Variants in WWOX observed in about 807,000 individuals in gnomAD.
The protein encoded by WWOX is WW domain containing oxidoreductase.
Under a neutral mutation model 46.2 loss-of-function variants are expected in WWOX, and 69 were observed. The ratio of observed to expected loss-of-function variants is 1.49; its 90% CI spans 1.23 to 1.82. The LOEUF (loss-of-function observed/expected upper bound fraction) is 1.82, where lower values mean the gene tolerates loss of function less well. WWOX is among the 40% of genes most tolerant of loss of function. The pLI, the probability that WWOX is intolerant of heterozygous loss-of-function variation, is 0.00. For synonymous variants in WWOX, 359 were observed against 202.6 expected, an observed-to-expected ratio of 1.77 and a Z score of -6.56; for missense variants, 919 against 542.6, an observed-to-expected ratio of 1.69 and a Z score of -6.89.
chr16:78,214,196 C>G (rs549776059), intron 5 of WWOX, among the ~76,000 whole-genome samples: 82 of 152,166 alleles, frequency 5.4e-4, no homozygotes, highest in Non-Finnish European at 8.8e-4. Flanking sequence ...CCTGTCAGTG[C>G]TTTGTCACCC....
At chr16:79,068,642 A>G (rs916943054) in intron 8 of WWOX, among the ~76,000 whole-genome samples, 37 of 151,480 alleles carry the variant, frequency 2.4e-4, no homozygotes, top group Non-Finnish European at 4.3e-4. Flanking sequence ...CTCTACAAAC[A>G]ACAACAACAA....
At chr16:78,844,492 A>G (rs2052245223) in intron 8 of WWOX, among the ~76,000 whole-genome samples, 1 of 152,142 alleles carries the variant, frequency 6.6e-6, no homozygotes, top group Non-Finnish European at 1.5e-5. Flanking sequence ...TATGAATCTC[A>G]TAATGGAAAA....
chr16:78,583,241 G>A (rs2045108395), intron 8 of WWOX, among the ~76,000 whole-genome samples: 1 of 152,274 alleles, frequency 6.6e-6, no homozygotes, highest in South Asian at 2.1e-4. Context: ...AAGAACCAGG[G>A]CCAAAGCAGT....
chr16:79,139,418 G>T (rs1179824998), intron 8 of WWOX, among the ~76,000 whole-genome samples: 1 of 152,288 alleles, frequency 6.6e-6, no homozygotes, highest in South Asian at 2.1e-4. Context: ...CACTTTGCCT[G>T]CAGTTAATTT....
intron 1 of WWOX, among the ~76,000 whole-genome samples, chr16:78,102,700 G>A (rs767624046): frequency 1.5e-4 from 23 of 152,264 alleles, no homozygotes; most frequent in Middle Eastern, 6.8e-3. Context: ...CTGCTTCTTC[G>A]TGCTTAGCCT....
At position 78,997,614 on chromosome 16, in the gene WWOX, C is replaced by A. The variant is rs147667772; in HGVS notation, c.1057-213994C>A. Among the ~76,000 whole-genome samples the A allele has an allele frequency of 1.6e-4, 24 of 152,194 alleles. No individual in the cohort carries two copies. The East Asian group carries it at 4.6e-3, about 29-fold the overall frequency. ...TCGTGTCACTGATCATGCCAAGAAA[C>A]CTAATGTATGGTGAATTTGCACTAG... is the stretch of plus-strand genomic sequence containing the variant. On this transcript the variant is annotated intron_variant, in intron 8 of 8. Coordinates refer to ENST00000566780, the MANE Select transcript of WWOX (RefSeq NM_016373.4).
intron 5 of WWOX, among the ~76,000 whole-genome samples, chr16:78,362,957 G>A (rs996257394): frequency 6.6e-6 from 1 of 152,132 alleles, no homozygotes; most frequent in Non-Finnish European, 1.5e-5. Context: ...CCAGAGGAAG[G>A]CCTCTGATTC....
chr16:78,119,312 G>A (rs1226673558), intron 4 of WWOX, among the ~76,000 whole-genome samples: 1 of 152,170 alleles, frequency 6.6e-6, no homozygotes, highest in Non-Finnish European at 1.5e-5. Context: ...TTAGGCGAGG[G>A]AATTTCGCAT....
intron 8 of WWOX, among the ~76,000 whole-genome samples, chr16:78,677,798 G>A (rs2047638524): frequency 6.6e-6 from 1 of 152,154 alleles, no homozygotes; most frequent in Admixed American, 6.6e-5. Context: ...AACTGAGGGT[G>A]GTCAGTGACA....
At chr16:78,631,719 T>A (rs2046436932) in intron 8 of WWOX, among the ~76,000 whole-genome samples, 1 of 151,870 alleles carries the variant, frequency 6.6e-6, no homozygotes, top group African/African-American at 2.4e-5. Context: ...AGGGACAGGG[T>A]TTCAACATGT....
At chr16:78,928,611 C>A (rs938312984) in intron 8 of WWOX, among the ~76,000 whole-genome samples, 1 of 151,868 alleles carries the variant, frequency 6.6e-6, no homozygotes, top group Non-Finnish European at 1.5e-5. Flanking sequence ...AATACACTTT[C>A]TAAATAGATG....
intron 8 of WWOX, among the ~76,000 whole-genome samples, chr16:79,148,617 A>T (rs1235619825): frequency 1.3e-5 from 2 of 152,162 alleles, no homozygotes; most frequent in Non-Finnish European, 2.9e-5. Flanking sequence ...TGCAGTTTTA[A>T]TGGGGTTTAA....
chr16:78,884,291 A>AG, intron 8 of WWOX, among the ~76,000 whole-genome samples: 1 of 149,544 alleles, frequency 6.7e-6, no homozygotes, highest in African/African-American at 2.5e-5. Context: ...AAAAAAAAAA[A>AG]AACAAAAGAC....
At chr16:78,829,073 G>C (rs768202743) in intron 8 of WWOX, among the ~76,000 whole-genome samples, 12 of 150,724 alleles carry the variant, frequency 8.0e-5, no homozygotes, top group African/African-American at 1.2e-4. Context: ...TCATAAGTCA[G>C]GGTCCATCTG....
intron 8 of WWOX, among the ~76,000 whole-genome samples, chr16:78,579,433 C>T (rs1392098376): frequency 6.6e-6 from 1 of 152,056 alleles, no homozygotes; most frequent in African/African-American, 2.4e-5. Flanking sequence ...GGTACTCAGG[C>T]TGAAGGATCA....
At chr16:78,368,105 T>A (rs12917864) in intron 5 of WWOX, among the ~76,000 whole-genome samples, 1 of 151,956 alleles carries the variant, frequency 6.6e-6, no homozygotes, top group Admixed American at 6.6e-5. Context: ...CTGCTTTTTC[T>A]GCCTTTGTTG....
chr16:78,953,366 A>C (rs2046101508), intron 8 of WWOX, among the ~76,000 whole-genome samples: 1 of 152,306 alleles, frequency 6.6e-6, no homozygotes, highest in South Asian at 2.1e-4. Context: ...TTGCACACTA[A>C]TTGTATGCAA....
chr16:78,915,896 G>T (rs998427590), intron 8 of WWOX, among the ~76,000 whole-genome samples: 1 of 152,154 alleles, frequency 6.6e-6, no homozygotes, highest in Non-Finnish European at 1.5e-5. Flanking sequence ...GAAGAAGCCT[G>T]AATTTTAATT....
At chr16:79,109,332 A>C (rs986697988) in intron 8 of WWOX, among the ~76,000 whole-genome samples, 1 of 152,186 alleles carries the variant, frequency 6.6e-6, no homozygotes, top group Non-Finnish European at 1.5e-5. Context: ...TGTAACTTTA[A>C]AAAGATTTAA....
Sources: allele counts gnomAD v4.1 joint callset (sites outside exome capture counted in the v4.1 genomes callset), GRCh38; gene constraint gnomAD v4.1.1; transcripts MANE v1.5; gene names NCBI Gene and HGNC (gene_info 2026-07-23, HGNC 2026-07-21).